DMD: variants seen among roughly 807,000 people sequenced by gnomAD.
DMD encodes the protein dystrophin.
DMD carries 63 observed loss-of-function variants against 330.1 expected under a neutral mutation model. That is an observed-to-expected ratio of 0.19 (90% CI 0.16 to 0.24). DMD has a LOEUF of 0.24. DMD is among the 10% of genes least tolerant of loss of function. The probability of loss-of-function intolerance (pLI) is 1.00; values close to 1 mark genes in which losing one functional copy is unlikely to be tolerated. For synonymous variants in DMD, 1,223 were observed against 959.8 expected, an observed-to-expected ratio of 1.27 and a Z score of -5.07; for missense variants, 3,344 against 2,684.1, an observed-to-expected ratio of 1.25 and a Z score of -5.43.
chrX:32,709,233 A>G (rs1603228274), intron 7 of DMD, among the ~76,000 whole-genome samples: 1 of 111,906 alleles, frequency 8.9e-6, no homozygotes. Flanking sequence ...TTAGAAATTT[A>G]CAGAAGTGAA....
intron 62 of DMD, among the ~76,000 whole-genome samples, chrX:31,268,725 G>A (rs1386344846): frequency 8.9e-6 from 1 of 112,243 alleles, no homozygotes; most frequent in Non-Finnish European, 1.9e-5. Context: ...TACTGTTTAT[G>A]TTTATTTCAA....
chrX:33,108,391 C>T (rs1456637328), intron 1 of DMD, among the ~76,000 whole-genome samples: 1 of 110,351 alleles, frequency 9.1e-6, no homozygotes, highest in African/African-American at 3.3e-5. Flanking sequence ...CTCAGCACCC[C>T]CGAGTAGCTG....
At chrX:31,288,263 A>G (rs1003141117) in intron 62 of DMD, among the ~76,000 whole-genome samples, 1 of 111,891 alleles carries the variant, frequency 8.9e-6, no homozygotes, top group Admixed American at 9.5e-5. Flanking sequence ...AGAACACGCC[A>G]GTATTTTTGG....
At chrX:31,712,775 T>C (rs780816385) in intron 52 of DMD, among the ~76,000 whole-genome samples, 29 of 111,725 alleles carry the variant, frequency 2.6e-4, no homozygotes, top group Admixed American at 2.5e-3. Context: ...TTAAATCTGT[T>C]CAAGTAGGTT....
At position 31,800,144 on chromosome X, in the gene DMD, C is replaced by T. The variant is rs767034485; in HGVS notation, c.7309+19831G>A. On this transcript the variant is annotated intron_variant, in intron 50 of 78. Coordinates refer to ENST00000357033, the MANE Select transcript of DMD (RefSeq NM_004006.3). Reference sequence around the variant, plus strand: ...GATGGTGGTCCTCTTCTCACAGCTCCACTAGGCAGTGCCCCAGTGGGGACT... The same window carrying T: ...GATGGTGGTCCTCTTCTCACAGCTCTACTAGGCAGTGCCCCAGTGGGGACT... Among the ~76,000 whole-genome samples, 13 of 112,710 alleles carry T rather than the reference C, an allele frequency of 1.2e-4. No individual in the cohort carries two copies. The South Asian group carries it at 4.4e-3, about 38-fold the overall frequency.
intron 47 of DMD, among the ~76,000 whole-genome samples, chrX:31,914,658 A>C (rs776760638): frequency 3.7e-3 from 418 of 112,083 alleles, no homozygotes; most frequent in Non-Finnish European, 6.8e-3. Flanking sequence ...GTTCTCACTT[A>C]TTTGCAGAAT....
chrX:32,757,483 A>G (rs1246585893), intron 7 of DMD, among the ~76,000 whole-genome samples: 1 of 111,279 alleles, frequency 9.0e-6, no homozygotes, highest in Non-Finnish European at 1.9e-5. Context: ...CTTGAATTGT[A>G]GCTCCCGTAA....
At chrX:32,638,794 G>T (rs1172272938) in intron 11 of DMD, among the ~76,000 whole-genome samples, 1 of 111,152 alleles carries the variant, frequency 9.0e-6, no homozygotes, top group East Asian at 2.8e-4. Context: ...AAACTTCACT[G>T]CACTTGGGAG....
intron 59 of DMD, among the ~76,000 whole-genome samples, chrX:31,455,346 T>C (rs975327954): frequency 9.0e-6 from 1 of 111,472 alleles, no homozygotes; most frequent in Non-Finnish European, 1.9e-5. Context: ...ATTTATTCAT[T>C]GTCTGTTCCT....
At chrX:32,515,035 A>C (rs1429345306) in intron 18 of DMD, among the ~76,000 whole-genome samples, 2 of 112,386 alleles carry the variant, frequency 1.8e-5, no homozygotes, top group African/African-American at 6.5e-5. Flanking sequence ...TGAAGAGAGC[A>C]GTATCTTTGG....
intron 2 of DMD, among the ~76,000 whole-genome samples, chrX:33,004,531 GT>G (rs2093354351): frequency 9.0e-6 from 1 of 111,097 alleles, no homozygotes; most frequent in African/African-American, 3.3e-5. Context: ...TAATATGATA[GT>G]TTTCCCTAAG....
intron 29 of DMD, among the ~76,000 whole-genome samples, chrX:32,426,697 C>T (rs2098214277): frequency 9.0e-6 from 1 of 111,460 alleles, no homozygotes; most frequent in Non-Finnish European, 1.9e-5. Flanking sequence ...AGCAAAGATA[C>T]AGAATCAACC....
intron 44 of DMD, among the ~76,000 whole-genome samples, chrX:32,183,863 A>C (rs779029135): frequency 6.4e-5 from 7 of 110,057 alleles, no homozygotes; most frequent in African/African-American, 2.3e-4. Context: ...TTTAAGTAGC[A>C]TCAGGCTGTT....
At chrX:32,741,648 A>G (rs1012135911) in intron 7 of DMD, among the ~76,000 whole-genome samples, 1 of 111,763 alleles carries the variant, frequency 8.9e-6, no homozygotes, top group Non-Finnish European at 1.9e-5. Context: ...TTCTGGTATC[A>G]TATGCAAATT....
At chrX:32,132,382 C>T (rs2096700261) in intron 44 of DMD, among the ~76,000 whole-genome samples, 2 of 111,420 alleles carry the variant, frequency 1.8e-5, no homozygotes, top group South Asian at 7.6e-4. Context: ...CCACAACATC[C>T]TAGTGAGGTA....
chrX:32,324,962 T>C (rs1042145158), intron 41 of DMD, among the ~76,000 whole-genome samples: 3 of 111,485 alleles, frequency 2.7e-5, no homozygotes, highest in Non-Finnish European at 5.7e-5. Context: ...AGAAGAATAA[T>C]AGAATACATT....
chrX:32,330,456 A>C (rs1174632131), intron 41 of DMD, among the ~76,000 whole-genome samples: 1 of 111,819 alleles, frequency 8.9e-6, no homozygotes. Context: ...CAAGTGATTT[A>C]ATTATTTTTA....
rs2149095350 is a variant in DMD, at chrX:32,565,837, T to C, written c.1857A>G (p.Lys619=). 2.5e-6 allele frequency: 3 copies of C among 1,211,534 alleles called. No homozygotes were observed. The highest frequency in any genetic ancestry group is 3.4e-6 in the Non-Finnish European group (3 of 895,310). ...DLEKKKQSMG[K]LYSLKQDLLS... ...GAAGATCTTGTTTGAGTGAATACAG[T>C]TTGCCCATGGATTGCTTTTTCTTTT... is the stretch of plus-strand genomic sequence containing the variant. The change falls in exon 16 of 79, where the codon AAA becomes AAG. Residue 619 remains lysine (K), a synonymous_variant. Coordinates refer to ENST00000357033, the MANE Select transcript of DMD (RefSeq NM_004006.3).
chrX:32,055,451 C>G (rs2096162972), intron 44 of DMD, among the ~76,000 whole-genome samples: 3 of 111,318 alleles, frequency 2.7e-5, no homozygotes, highest in African/African-American at 9.8e-5. Context: ...TTCTAGTGCT[C>G]TATACGACTG....
Sources: gnomAD v4.1 joint callset for allele counts (sites outside exome capture counted in the v4.1 genomes callset) on GRCh38, gnomAD v4.1.1 for gene constraint, MANE v1.5 for transcripts, NCBI Gene and HGNC (gene_info 2026-07-23, HGNC 2026-07-21) for gene names.